Variants in LNP1 observed in about 807,000 individuals in gnomAD.
LNP1 encodes leukemia NUP98 fusion partner 1.
Under a neutral mutation model 14.5 loss-of-function variants are expected in LNP1, and 12 were observed. The ratio of observed to expected loss-of-function variants is 0.83; its 90% CI spans 0.53 to 1.34. The LOEUF is 1.34. LNP1 is among the 40% of genes most tolerant of loss of function. The pLI, the probability that LNP1 is intolerant of heterozygous loss-of-function variation, is 0.00. For synonymous variants in LNP1, 75 were observed against 71.4 expected, an observed-to-expected ratio of 1.05 and a Z score of -0.26; for missense variants, 198 against 210.9, an observed-to-expected ratio of 0.94 and a Z score of 0.38.
chr3:100,433,730 G>A (rs9653956), intron 2 of LNP1, among the ~76,000 whole-genome samples: 1,704 of 152,182 alleles, frequency 0.011, 22 homozygotes, highest in African/African-American at 0.039. Flanking sequence ...AGCATCTATT[G>A]TTTCTTGGCT....
rs539568349 is a variant in LNP1, at chr3:100,408,800, C to T, written c.-34+6361C>T. ...CAAGCAGACAATATCTTTTTCCGGGCTGTGCTGCCTGGTCTTGGGGGAAGG... is the reference window on the plus strand; with the variant it reads ...CAAGCAGACAATATCTTTTTCCGGGTTGTGCTGCCTGGTCTTGGGGGAAGG... On this transcript the variant is annotated intron_variant, in intron 1 of 3. Transcript: ENST00000383693. 5.9e-5 allele frequency among the ~76,000 whole-genome samples: 9 copies of T among 152,220 alleles called. No homozygotes were observed. The South Asian group carries it at 1.9e-3, about 32-fold the overall frequency.
chr3:100,411,331 C>T (rs1195099904), intron 1 of LNP1, among the ~76,000 whole-genome samples: 1 of 152,200 alleles, frequency 6.6e-6, no homozygotes, highest in Non-Finnish European at 1.5e-5. Context: ...CACTTCAGTT[C>T]TCTCCCATAC....
At chr3:100,452,423 T>C (rs1030712706) in intron 3 of LNP1, among the ~76,000 whole-genome samples, 1 of 151,822 alleles carries the variant, frequency 6.6e-6, no homozygotes, top group Non-Finnish European at 1.5e-5. Flanking sequence ...CCCAGGCTGG[T>C]TTCAAACTTC....
chr3:100,425,005 T>C (rs1043708857), intron 1 of LNP1, among the ~76,000 whole-genome samples: 1 of 152,222 alleles, frequency 6.6e-6, no homozygotes. Context: ...TATTAACCTT[T>C]TTTAACCTAG....
At chr3:100,407,792 T>C (rs1706984122) in intron 1 of LNP1, among the ~76,000 whole-genome samples, 1 of 152,188 alleles carries the variant, frequency 6.6e-6, no homozygotes, top group Admixed American at 6.5e-5. Flanking sequence ...TCCACTCTTT[T>C]TCCTTTCTTC....
chr3:100,407,426 G>A (rs1425796889), intron 1 of LNP1, among the ~76,000 whole-genome samples: 1 of 151,932 alleles, frequency 6.6e-6, no homozygotes, highest in African/African-American at 2.4e-5. Flanking sequence ...CTCTTCCCTG[G>A]CCTGTAAGAT....
chr3:100,411,775 G>A (rs887809622), intron 1 of LNP1, among the ~76,000 whole-genome samples: 2 of 151,908 alleles, frequency 1.3e-5, no homozygotes, highest in East Asian at 3.9e-4. Flanking sequence ...TCAAACCAAG[G>A]CCCCACCCTC....
chr3:100,408,620 C>T (rs372737460), intron 1 of LNP1, among the ~76,000 whole-genome samples: 29 of 152,284 alleles, frequency 1.9e-4, no homozygotes, highest in East Asian at 7.7e-4. Flanking sequence ...TATGGTTTCC[C>T]ATCTGCTGCC....
At chr3:100,451,281 G>A (rs140757219) in intron 2 of LNP1, among the ~76,000 whole-genome samples, 9 of 152,300 alleles carry the variant, frequency 5.9e-5, no homozygotes, top group Middle Eastern at 3.4e-3. Context: ...GACATGAGAC[G>A]TCAGTCAACA....
chr3:100,416,427 T>C (rs1707083909), intron 1 of LNP1, among the ~76,000 whole-genome samples: 1 of 152,180 alleles, frequency 6.6e-6, no homozygotes, highest in Non-Finnish European at 1.5e-5. Context: ...TTGTTTTCTT[T>C]GTCTTTATTT....
chr3:100,429,900 T>A lies in LNP1; in HGVS notation c.156+15T>A, dbSNP rs766103434. ...TGCCCTGCCCAGTGAGTGATTGTCA[T>A]GGAACCGGAGGGGAGAGCTGGAATA... On this transcript the variant is annotated intron_variant, in intron 2 of 3. Coordinates refer to ENST00000383693, the MANE Select transcript of LNP1 (RefSeq NM_001085451.2). 6.2e-7 allele frequency: 1 copy of A among 1,610,830 alleles called. No homozygotes were observed. The highest frequency in any genetic ancestry group is 8.5e-7 in the Non-Finnish European group (1 of 1,178,638).
intron 1 of LNP1, among the ~76,000 whole-genome samples, chr3:100,417,458 C>T (rs148434223): frequency 1.5e-4 from 20 of 133,476 alleles, no homozygotes; most frequent in African/African-American, 5.6e-4. Context: ...CTCACTGCAA[C>T]CTCCGCCTCC....
At chr3:100,450,679 G>A (rs1353265279) in intron 2 of LNP1, among the ~76,000 whole-genome samples, 1 of 152,038 alleles carries the variant, frequency 6.6e-6, no homozygotes, top group Non-Finnish European at 1.5e-5. Flanking sequence ...CCCTAATTCA[G>A]TTCCTTACTT....
intron 1 of LNP1, among the ~76,000 whole-genome samples, chr3:100,414,511 C>G (rs1472299669): frequency 6.6e-6 from 1 of 151,530 alleles, no homozygotes; most frequent in Admixed American, 6.6e-5. Context: ...CGCACCGCTG[C>G]ACTCCAGCCT....
At chr3:100,444,485 C>T (rs1707371106) in intron 2 of LNP1, among the ~76,000 whole-genome samples, 1 of 152,106 alleles carries the variant, frequency 6.6e-6, no homozygotes, top group South Asian at 2.1e-4. Flanking sequence ...AATTGTAATA[C>T]CAACTAAGCC....
rs528204221 is a variant in LNP1 at position 100,431,407 on chromosome 3, C to T, written c.156+1522C>T. ...CATCTTTATCTGCTTATCCCTGCTT[C>T]GGGCATTTGCCTGAATTAACCTGTT... On this transcript the variant is annotated intron_variant, in intron 2 of 3. Coordinates refer to ENST00000383693, the MANE Select transcript of LNP1 (RefSeq NM_001085451.2). Among the ~76,000 whole-genome samples, 42 of 152,258 alleles carry T rather than the reference C, an allele frequency of 2.8e-4. No individual in the cohort carries two copies. In the South Asian group the frequency reaches 3.9e-3, roughly 14 times the overall value.
intron 3 of LNP1, among the ~76,000 whole-genome samples, chr3:100,455,469 G>A (rs897923971): frequency 7.2e-5 from 11 of 152,150 alleles, no homozygotes; most frequent in Non-Finnish European, 1.6e-4. Context: ...AAAAGCACCA[G>A]GGAACTATTA....
In LNP1 at chr3:100,429,771, C is replaced by G. The variant is rs1707225897; in HGVS notation, c.42C>G (p.Ala14=). The G allele has an allele frequency of 6.2e-7, 1 of 1,613,646 alleles. No individual in the cohort carries two copies. Among genetic ancestry groups the G allele is most frequent in the South Asian group, 1.1e-5 (1 of 91,080 alleles). Residue 14 remains alanine (A), a synonymous_variant, in exon 2 of 4, where the codon GCC becomes GCG. Coordinates refer to ENST00000383693, the MANE Select transcript of LNP1 (RefSeq NM_001085451.2). ...KDDDDDDVSF[A]KWMSSFWGHS... ...ATGATGATGATGATGTGTCTTTTGC[C>G]AAATGGATGAGCAGCTTCTGGGGCC...
At chr3:100,427,877 A>G (rs1303214601) in intron 1 of LNP1, among the ~76,000 whole-genome samples, 2 of 152,246 alleles carry the variant, frequency 1.3e-5, no homozygotes, top group African/African-American at 2.4e-5. Context: ...AAAAATAAAA[A>G]TGTTAGAAGA....
Sources: allele counts gnomAD v4.1 joint callset (sites outside exome capture counted in the v4.1 genomes callset), GRCh38; gene constraint gnomAD v4.1.1; transcripts MANE v1.5; gene names NCBI Gene and HGNC (gene_info 2026-07-23, HGNC 2026-07-21).